Variants in ZKSCAN1 observed in about 807,000 individuals in gnomAD.
ZKSCAN1 encodes the protein zinc finger protein with KRAB and SCAN domains 1.
A neutral mutation model predicts 51.6 loss-of-function variants in ZKSCAN1; 14 were observed. The ratio of observed to expected loss-of-function variants is 0.27; its 90% CI spans 0.18 to 0.42. ZKSCAN1 has a LOEUF of 0.42. ZKSCAN1 is among the 10% of genes least tolerant of loss of function. ZKSCAN1 has a pLI of 1.00. For synonymous variants in ZKSCAN1, 263 were observed against 261.5 expected (o/e 1.01, Z -0.06); for missense variants, 531 against 710.0 (o/e 0.75, Z 2.86).
chr7:100,037,775 T>G lies in ZKSCAN1; in HGVS notation c.*3578T>G. The G allele has an allele frequency of 1.0e-6, 1 of 962,492 alleles. No individual in the cohort carries two copies. The highest frequency in any genetic ancestry group is 1.2e-6 in the Non-Finnish European group (1 of 809,296). The allele number at this position is 962,492 out of a possible 1,614,324, so 59.6% of individuals were successfully genotyped here. A position where few individuals can be genotyped will look rare whatever the true frequency, so the allele number is the denominator to read the frequency against. On this transcript the variant is annotated 3_prime_UTR_variant, in exon 6 of 6. Transcript: ENST00000324306. The stretch of plus-strand genomic sequence containing the variant: ...GCTCACGCCTGTAATCGCAGCACTT[T>G]GGGAGGCCGAGGCAGGCGGATCACG...
chr7:100,044,713 T>A, downstream of ZKSCAN1: 1 of 678,250 alleles, frequency 1.5e-6, no homozygotes, highest in Non-Finnish European at 1.8e-6. Context: ...AAAGTAGCAC[T>A]GAATAATTTT....
rs1044360869 is a variant in ZKSCAN1, at chr7:100,038,586, A to G, written c.*4389A>G. ...CTCTTGTCAGTAGACGGTCTTCTCC[A>G]TGAAGCGAGAGTAGGAAGTGTACTG... On this transcript the variant is annotated 3_prime_UTR_variant, in exon 6 of 6. Coordinates refer to ENST00000324306, the MANE Select transcript of ZKSCAN1 (RefSeq NM_003439.4). 2 of 985,354 alleles carry G rather than the reference A, an allele frequency of 2.0e-6. No individual in the cohort carries two copies. The highest frequency in any genetic ancestry group is 1.7e-5 in the African/African-American group (1 of 57,248). 61.0% of individuals were successfully genotyped at this position (985,354 alleles called of 1,614,324 possible). A position where few individuals can be genotyped will look rare whatever the true frequency, so the allele number is the denominator to read the frequency against.
chr7:100,026,149 A>C (rs962543847), intron 3 of ZKSCAN1, among the ~76,000 whole-genome samples: 5 of 149,190 alleles, frequency 3.4e-5, no homozygotes, highest in Non-Finnish European at 4.4e-5. Flanking sequence ...GAACTCAGGC[A>C]GCAGAGGTTG....
rs186487960 is a variant in ZKSCAN1, at chr7:100,022,914, A to T, written c.-88-505A>T. Among the ~76,000 whole-genome samples the T allele has an allele frequency of 1.7e-4, 26 of 152,026 alleles. No homozygotes were observed. The East Asian group carries it at 4.6e-3, about 27-fold the overall frequency. ...TAAATCACTCTGACTCCAAGCAAAC[A>T]CCCTGAGGGTGGAGTCGGCCTGTTT... On this transcript the variant is annotated intron_variant, in intron 1 of 5. Coordinates refer to ENST00000324306, the MANE Select transcript of ZKSCAN1 (RefSeq NM_003439.4).
At chr7:100,031,805 A>G (rs1230178462) in intron 5 of ZKSCAN1, among the ~76,000 whole-genome samples, 2 of 152,204 alleles carry the variant, frequency 1.3e-5, no homozygotes, top group Admixed American at 6.5e-5. Flanking sequence ...GACCAGGCAC[A>G]ATGGCTCACA....
In ZKSCAN1 at chr7:100,034,105, C is replaced by T. The variant is rs1372415167; in HGVS notation, c.1600C>T (p.Leu534=). Residue 534 remains leucine (L), a synonymous_variant, in exon 6 of 6, where the codon CTG becomes TTG. Coordinates refer to ENST00000324306, the MANE Select transcript of ZKSCAN1 (RefSeq NM_003439.4). ...CTTCACCCGCAGCTCCACCCTCACT[C>T]TGCATCACAGAATCCATGCCAGAGA... ...KAFTRSSTLT[L]HHRIHARERA... is the part of the protein sequence containing the mutation. 1.9e-6 allele frequency: 3 copies of T among 1,607,996 alleles called. No homozygotes were observed. Among genetic ancestry groups the T allele is most frequent in the African/African-American group, 2.7e-5 (2 of 75,012 alleles).
chr7:100,044,463 C>G (rs1335850852), downstream of ZKSCAN1, among the ~76,000 whole-genome samples: 1 of 151,548 alleles, frequency 6.6e-6, no homozygotes, highest in East Asian at 1.9e-4. Context: ...GTCGGGAGAT[C>G]GAGACCATCC....
intron 3 of ZKSCAN1, among the ~76,000 whole-genome samples, chr7:100,025,502 A>T (rs73411443): frequency 0.022 from 3,363 of 152,300 alleles, 130 homozygotes; most frequent in African/African-American, 0.078. Flanking sequence ...AATATGTAAT[A>T]CATTTATCCA....
At position 100,023,461 on chromosome 7, in the gene ZKSCAN1, G is replaced by C. The variant is rs964277989; in HGVS notation, c.-46G>C. ...ATCATAAAACCTCCCAGGACATAAA[G>C]GTGAGCACAGACCCTGTTTGGATCA... On this transcript the variant is annotated 5_prime_UTR_variant, in exon 2 of 6. Transcript: ENST00000324306. 6.4e-7 allele frequency: 1 copy of C among 1,556,152 alleles called. No individual in the cohort carries two copies. The highest frequency in any genetic ancestry group is 8.7e-7 in the Non-Finnish European group (1 of 1,154,778).
At position 100,041,180 on chromosome 7, in the gene ZKSCAN1, T is replaced by G. The variant is rs1165767400; in HGVS notation, c.*6983T>G. On this transcript the variant is annotated 3_prime_UTR_variant, in exon 6 of 6. Transcript: ENST00000324306. ...CCTGTTTTGTCAGTTCCCAGCTTCT[T>G]CGTTTAGAATAAATTAGACCAAAAG... The G allele has an allele frequency of 1.2e-5, 9 of 728,826 alleles. No homozygotes were observed. The highest frequency in any genetic ancestry group is 1.5e-5 in the Non-Finnish European group (9 of 596,000). 45.1% of individuals were successfully genotyped at this position (728,826 alleles called of 1,614,324 possible).
chr7:100,042,155 C>A (rs1039144707), downstream of ZKSCAN1, among the ~76,000 whole-genome samples: 1 of 151,946 alleles, frequency 6.6e-6, no homozygotes. Context: ...CCCCTCTCTA[C>A]TAAAAATACA....
At chr7:100,030,777 C>T (rs141425808) in intron 5 of ZKSCAN1, among the ~76,000 whole-genome samples, 296 of 152,256 alleles carry the variant, frequency 1.9e-3, no homozygotes, top group African/African-American at 6.9e-3. Context: ...AACCCATTGT[C>T]CCGGTACCAC....
chr7:100,031,363 G>A (rs574424445), intron 5 of ZKSCAN1, among the ~76,000 whole-genome samples: 49 of 139,936 alleles, frequency 3.5e-4, no homozygotes, highest in Admixed American at 8.7e-4. Flanking sequence ...CTGCAGCCTC[G>A]ACCTCTCAGG....
rs189784996 is a variant in ZKSCAN1, at chr7:100,037,583, C to T, written c.*3386C>T. 1,570 of 985,432 alleles carry T rather than the reference C, an allele frequency of 1.6e-3. 1 individual carries two copies. Among genetic ancestry groups the T allele is most frequent in the Non-Finnish European group, 1.8e-3 (1,500 of 829,930 alleles). The allele number at this position is 985,432 out of a possible 1,614,324, so 61.0% of individuals were successfully genotyped here. A position where few individuals can be genotyped will look rare whatever the true frequency, so the allele number is the denominator to read the frequency against. On this transcript the variant is annotated 3_prime_UTR_variant, in exon 6 of 6. Coordinates refer to ENST00000324306, the MANE Select transcript of ZKSCAN1 (RefSeq NM_003439.4). ...TTAATCACATCTCAGCCCTTAGCATCGGAAAGCTTATACTGTAAATAAACT... is the reference window on the plus strand; with the variant it reads ...TTAATCACATCTCAGCCCTTAGCATTGGAAAGCTTATACTGTAAATAAACT...
At position 100,021,926 on chromosome 7, in the gene ZKSCAN1, T is replaced by C. The variant is rs192893643; in HGVS notation, c.-88-1493T>C. On this transcript the variant is annotated intron_variant, in intron 1 of 5. Transcript: ENST00000324306. ...GCCCAGCTAATTTTTTTCTTTTTCA[T>C]AGGGACAGGGTCTTGCTATGTTGCC... Among the ~76,000 whole-genome samples, 69 of 152,080 alleles carry C rather than the reference T, an allele frequency of 4.5e-4. 1 individual carries two copies. Among genetic ancestry groups the C allele is most frequent in the Non-Finnish European group, 7.8e-4 (53 of 67,976 alleles).
Position 100,041,630 on chromosome 7 carries a change from C to A in ZKSCAN1, c.*7433C>A. ...AAATTGTGGGGATTTGAAATATTCT[C>A]TTTATGTTGTTTCTCTTCTGAGTCA... On this transcript the variant is annotated 3_prime_UTR_variant, in exon 6 of 6. Transcript: ENST00000324306. The A allele has an allele frequency of 1.0e-6, 1 of 985,282 alleles. No homozygotes were observed. The highest frequency in any genetic ancestry group is 1.2e-6 in the Non-Finnish European group (1 of 829,872). 61.0% of individuals were successfully genotyped at this position (985,282 alleles called of 1,614,324 possible).
Position 100,039,379 on chromosome 7 carries a change from C to G in ZKSCAN1, c.*5182C>G. On this transcript the variant is annotated 3_prime_UTR_variant, in exon 6 of 6. Coordinates refer to ENST00000324306, the MANE Select transcript of ZKSCAN1 (RefSeq NM_003439.4). The stretch of plus-strand genomic sequence containing the variant: ...GGAGAACAGCAAGGTGGGCATTTCC[C>G]GGAATTGTGTGCAGATGCATCCAGT... 2.0e-6 allele frequency: 2 copies of G among 985,228 alleles called. No homozygotes were observed. Among genetic ancestry groups the G allele is most frequent in the Non-Finnish European group, 2.4e-6 (2 of 829,910 alleles). The allele number at this position is 985,228 out of a possible 1,614,324, so 61.0% of individuals were successfully genotyped here.
rs1353704913 is a variant in ZKSCAN1 at position 100,034,189 on chromosome 7, T to C, written c.1684T>C (p.Cys562Arg). 6.6e-7 allele frequency: 1 copy of C among 1,504,866 alleles called. No individual in the cohort carries two copies. The highest frequency in any genetic ancestry group is 1.4e-5 in the African/African-American group (1 of 71,658). The allele number at this position is 1,504,866 out of a possible 1,614,324, so 93.2% of individuals were successfully genotyped here. A position where few individuals can be genotyped will look rare whatever the true frequency, so the allele number is the denominator to read the frequency against. The change falls in exon 6 of 6, where the codon TGT (cysteine) becomes CGT (arginine). Residue 562 changes from cysteine (C) to arginine (R), a missense_variant. This residue lies in a region of ZKSCAN1 where 128 missense variants were observed against 219.5 expected (regional missense o/e 0.58). Coordinates refer to ENST00000324306, the MANE Select transcript of ZKSCAN1 (RefSeq NM_003439.4). ...LDAFGAFLKS[C>R]V ...TGCATTTGGCGCGTTCCTGAAAAGT[T>C]GTGTGTAAAGGAAGAATTTGCCATC...
At position 100,036,629 on chromosome 7, in the gene ZKSCAN1, A is replaced by T; in HGVS notation, c.*2432A>T. Reference sequence around the variant, plus strand: ...GCTACTTGGGAGGCTGAGGCAGGAGAATCACTTGAACCCAGGAGGCAGAGG... The same window carrying T: ...GCTACTTGGGAGGCTGAGGCAGGAGTATCACTTGAACCCAGGAGGCAGAGG... On this transcript the variant is annotated 3_prime_UTR_variant, in exon 6 of 6. Coordinates refer to ENST00000324306, the MANE Select transcript of ZKSCAN1 (RefSeq NM_003439.4). 2.6e-6 allele frequency: 2 copies of T among 764,376 alleles called. No homozygotes were observed. The highest frequency in any genetic ancestry group is 3.2e-6 in the Non-Finnish European group (2 of 628,488). The allele number at this position is 764,376 out of a possible 1,614,324, so 47.3% of individuals were successfully genotyped here.
Sources: allele counts gnomAD v4.1 joint callset (sites outside exome capture counted in the v4.1 genomes callset), GRCh38; gene constraint gnomAD v4.1.1; regional missense constraint gnomAD v4.1.1; transcripts MANE v1.5; gene names NCBI Gene and HGNC (gene_info 2026-07-23, HGNC 2026-07-21).